ARNT2: variants seen among roughly 807,000 people sequenced by gnomAD.
ARNT2 encodes the protein ARNT protein 2.
ARNT2 carries 36 observed loss-of-function variants against 91.7 expected under a neutral mutation model. That is an observed-to-expected ratio of 0.39 (90% CI 0.30 to 0.52). The LOEUF is 0.52. ARNT2 is among the 20% of genes least tolerant of loss of function. ARNT2 has a pLI of 0.72. For synonymous variants in ARNT2, 365 were observed against 347.1 expected (o/e 1.05, Z -0.57); for missense variants, 775 against 939.3 (o/e 0.83, Z 2.29).
At chr15:80,471,292 C>T (rs1463155847) in intron 4 of ARNT2, among the ~76,000 whole-genome samples, 2 of 152,162 alleles carry the variant, frequency 1.3e-5, no homozygotes, top group African/African-American at 4.8e-5. Context: ...AAACCAAATA[C>T]CACATGTTCC....
chr15:80,455,658 A>G (rs1202386955), intron 2 of ARNT2, among the ~76,000 whole-genome samples: 3 of 152,146 alleles, frequency 2.0e-5, no homozygotes, highest in Non-Finnish European at 4.4e-5. Flanking sequence ...GATCCCAGGT[A>G]TCTCCACTCC....
At chr15:80,511,277 T>G (rs8036496) in intron 6 of ARNT2, among the ~76,000 whole-genome samples, 43 of 152,162 alleles carry the variant, frequency 2.8e-4, no homozygotes, top group African/African-American at 1.0e-3. Context: ...AACACAGGAA[T>G]GAAAAACCAA....
At position 80,404,714 on chromosome 15, in the gene ARNT2, G is replaced by C. The variant is rs1318529921; in HGVS notation, c.31+168G>C. Reference sequence around the variant, plus strand: ...GCAGCCGCAGCATCAGCACCAGAGCGGCATCTGCATCCCAATCGCTGCCCA... The same window carrying C: ...GCAGCCGCAGCATCAGCACCAGAGCCGCATCTGCATCCCAATCGCTGCCCA... On this transcript the variant is annotated intron_variant, in intron 1 of 18. Coordinates refer to ENST00000303329, the MANE Select transcript of ARNT2 (RefSeq NM_014862.4). This position sits in a 1 kb window ranked among gnomAD's most constrained non-coding sequence, Gnocchi z 5.5. Among the ~76,000 whole-genome samples, 2 of 151,872 alleles carry C rather than the reference G, an allele frequency of 1.3e-5. No homozygotes were observed. Among genetic ancestry groups the C allele is most frequent in the Non-Finnish European group, 2.9e-5 (2 of 67,904 alleles).
At chr15:80,481,380 G>A (rs1566983884) in intron 5 of ARNT2, among the ~76,000 whole-genome samples, 1 of 152,180 alleles carries the variant, frequency 6.6e-6, no homozygotes, top group Admixed American at 6.5e-5. Flanking sequence ...GAGGACGTCT[G>A]TGGGACACTC....
At chr15:80,572,538 G>C (rs1192989329) in intron 12 of ARNT2, among the ~76,000 whole-genome samples, 2 of 151,322 alleles carry the variant, frequency 1.3e-5, no homozygotes, top group African/African-American at 4.9e-5. Flanking sequence ...AGCCCTCCTT[G>C]CATCCCAGAC....
intron 1 of ARNT2, among the ~76,000 whole-genome samples, chr15:80,428,983 C>T (rs1208411595): frequency 6.6e-6 from 1 of 152,134 alleles, no homozygotes; most frequent in Admixed American, 6.5e-5. Context: ...ATACTGTATT[C>T]CAAATCCCCC....
chr15:80,583,647 C>A (rs1207480954), intron 17 of ARNT2, among the ~76,000 whole-genome samples: 14 of 152,156 alleles, frequency 9.2e-5, no homozygotes, highest in Admixed American at 9.2e-4. Flanking sequence ...GAAGGAGATA[C>A]CATTATTATT....
At chr15:80,562,201 A>G (rs1596015490) in intron 11 of ARNT2, among the ~76,000 whole-genome samples, 2 of 152,016 alleles carry the variant, frequency 1.3e-5, no homozygotes, top group Admixed American at 6.6e-5. Flanking sequence ...CAGCCTCCCA[A>G]GTAGCTGGGA....
chr15:80,534,706 G>C (rs939023590), intron 8 of ARNT2, among the ~76,000 whole-genome samples: 2 of 152,154 alleles, frequency 1.3e-5, no homozygotes, highest in African/African-American at 4.8e-5. Flanking sequence ...TCCCCACTGG[G>C]AACATGAATC....
intron 1 of ARNT2, among the ~76,000 whole-genome samples, chr15:80,448,842 G>A (rs931219250): frequency 3.9e-5 from 6 of 152,066 alleles, no homozygotes; most frequent in South Asian, 2.1e-4. Flanking sequence ...AAAATTAGCC[G>A]GGCATGGTGG....
At chr15:80,451,627 CAACCAACCAACCAACT>C (rs1896392260) in intron 2 of ARNT2, among the ~76,000 whole-genome samples, 1 of 152,002 alleles carries the variant, frequency 6.6e-6, no homozygotes, top group Non-Finnish European at 1.5e-5. Flanking sequence ...CCTGAAAAAC[CAACCAACCAACCAACT>C]AACCAACCAA....
At chr15:80,415,358 G>A (rs1383871197) in intron 1 of ARNT2, among the ~76,000 whole-genome samples, 2 of 152,264 alleles carry the variant, frequency 1.3e-5, no homozygotes, top group Non-Finnish European at 2.9e-5. Context: ...TCACAGTAGT[G>A]TGCAAACCCA....
chr15:80,542,439 A>G (rs1897923298), intron 8 of ARNT2, among the ~76,000 whole-genome samples: 1 of 152,142 alleles, frequency 6.6e-6, no homozygotes, highest in Non-Finnish European at 1.5e-5. Context: ...CTATTTTATT[A>G]TATTCATAGA....
chr15:80,516,415 G>A (rs1029180504), intron 8 of ARNT2, among the ~76,000 whole-genome samples: 2 of 152,098 alleles, frequency 1.3e-5, no homozygotes, highest in Non-Finnish European at 2.9e-5. Flanking sequence ...TCAAAGAAAA[G>A]TGTTCCTTTT....
intron 5 of ARNT2, among the ~76,000 whole-genome samples, chr15:80,506,259 A>G (rs1247045671): frequency 6.6e-6 from 1 of 152,242 alleles, no homozygotes; most frequent in Non-Finnish European, 1.5e-5. Context: ...AAAACTATAA[A>G]GAAGATTCCA....
intron 8 of ARNT2, among the ~76,000 whole-genome samples, chr15:80,550,471 G>C (rs144722368): frequency 6.6e-6 from 1 of 152,262 alleles, no homozygotes; most frequent in Non-Finnish European, 1.5e-5. Context: ...TTGCCTATGA[G>C]GTATCAAAAA....
intron 12 of ARNT2, among the ~76,000 whole-genome samples, chr15:80,565,374 A>G (rs1483813817): frequency 1.3e-5 from 2 of 152,188 alleles, no homozygotes; most frequent in Non-Finnish European, 2.9e-5. Context: ...CCAGTAATGC[A>G]GTAATGGGAT....
intron 5 of ARNT2, among the ~76,000 whole-genome samples, chr15:80,484,347 AC>A (rs960310488): frequency 2.0e-5 from 3 of 152,190 alleles, no homozygotes; most frequent in African/African-American, 7.2e-5. Flanking sequence ...ACACTTAAAA[AC>A]AAAGCATTTG....
intron 5 of ARNT2, among the ~76,000 whole-genome samples, chr15:80,476,876 A>G (rs567217531): frequency 3.9e-5 from 6 of 152,274 alleles, no homozygotes; most frequent in Non-Finnish European, 5.9e-5. Context: ...CCCAAATGTC[A>G]TGTTCAATTG....
Sources: allele counts gnomAD v4.1 joint callset (sites outside exome capture counted in the v4.1 genomes callset), GRCh38; gene constraint gnomAD v4.1.1; non-coding constraint Gnocchi (gnomAD v3.1); transcripts MANE v1.5; gene names NCBI Gene and HGNC (gene_info 2026-07-23, HGNC 2026-07-21).